Variants in RIPOR1 observed in about 807,000 individuals in gnomAD.
RIPOR1 encodes RHO family interacting cell polarization regulator 1.
In RIPOR1, 58 loss-of-function variants were observed where a neutral mutation model predicts 116.5. The observed-to-expected ratio is 0.50, with a 90% CI of 0.40 to 0.62. The LOEUF is 0.62. RIPOR1 is among the 20% of genes least tolerant of loss of function. The pLI, the probability that RIPOR1 is intolerant of heterozygous loss-of-function variation, is 0.00. For missense variants in RIPOR1, 1,372 were observed against 1,586.2 expected (o/e 0.86, Z 2.29); for synonymous variants, 605 against 650.0 (o/e 0.93, Z 1.05).
chr16:67,543,173 C>A lies in RIPOR1; in HGVS notation c.2387C>A (p.Ala796Asp). The change falls in exon 13 of 22, where the codon GCC becomes GAC. Residue 796 changes from alanine (A) to aspartate (D), a missense_variant. This residue lies in a region of RIPOR1 where 1,005 missense variants were observed against 1,144.7 expected (regional missense o/e 0.88). Coordinates refer to ENST00000042381, the MANE Select transcript of RIPOR1 (RefSeq NM_024519.4). The surrounding 1 kb of genome is among the most constrained non-coding windows in gnomAD (Gnocchi z 4.7). ...GDRSLEEALG[A>D]LMAALDDYRG... Reference sequence around the variant, plus strand: ...AGGAGCCTGGAGGAGGCACTGGGGGCCCTAATGGCTGCCCTGGATGACTAC... The same window carrying A: ...AGGAGCCTGGAGGAGGCACTGGGGGACCTAATGGCTGCCCTGGATGACTAC... 6.5e-7 allele frequency: 1 copy of A among 1,541,348 alleles called. No homozygotes were observed. Among genetic ancestry groups the A allele is most frequent in the Non-Finnish European group, 8.7e-7 (1 of 1,144,104 alleles).
At chr16:67,519,177 G>C (rs1180685804) in intron 1 of RIPOR1, among the ~76,000 whole-genome samples, 1 of 152,030 alleles carries the variant, frequency 6.6e-6, no homozygotes, top group Non-Finnish European at 1.5e-5. Context: ...CTACTTGGGA[G>C]TCTGAGGCAT....
At chr16:67,539,785 G>C in intron 5 of RIPOR1, 34 bp downstream of exon 5, 1 of 1,614,192 alleles carries the variant, frequency 6.2e-7, no homozygotes, top group Non-Finnish European at 8.5e-7. Context: ...GGAAGGGGTT[G>C]GCTCACAGGG....
Position 67,545,998 on chromosome 16 carries a change from G to A in RIPOR1, c.3437G>A (p.Arg1146Gln), listed in dbSNP as rs779493948. 1.6e-5 allele frequency: 26 copies of A among 1,613,544 alleles called. No homozygotes were observed. In the South Asian group the frequency reaches 2.6e-4, roughly 16 times the overall value. The change falls in exon 20 of 22, where the codon CGA becomes CAA. Residue 1146 changes from arginine to glutamine, a missense_variant. Around this residue, in one of 3 missense-constraint regions of RIPOR1, gnomAD observed 1,005 missense variants for 1,144.7 expected, o/e 0.88. Transcript: ENST00000042381. This position sits in a 1 kb window ranked among gnomAD's most constrained non-coding sequence, Gnocchi z 4.8. Reference protein sequence around the residue: ...DQLEDEDVQTRVAGCLALGCI... With the variant: ...DQLEDEDVQTQVAGCLALGCI... ...CTGGAGGATGAGGACGTGCAGACTC[G>A]AGTGGCTGGCTGCCTGGCCCTAGGC...
Position 67,546,377 on chromosome 16 carries a change from C to T in RIPOR1, c.3574C>T (p.Gln1192Ter). The change falls in exon 22 of 22, where the codon CAG (glutamine) becomes TAG (stop). Residue 1192 changes from glutamine to a stop codon, truncating the protein, a stop_gained. Coordinates refer to ENST00000042381, the MANE Select transcript of RIPOR1 (RefSeq NM_024519.4). LOFTEE classifies it high-confidence loss of function. ...CTCACTCATTACAGGAGAAGAGGGACAGTCTGCCCATCGACGGCTGGAGGA... is the reference window on the plus strand; with the variant it reads ...CTCACTCATTACAGGAGAAGAGGGATAGTCTGCCCATCGACGGCTGGAGGA... ...QSLQQCGEEG[Q>*]SAHRRLEESL... 1 of 1,613,984 alleles carries T rather than the reference C, an allele frequency of 6.2e-7. No individual in the cohort carries two copies. The highest frequency in any genetic ancestry group is 2.2e-5 in the East Asian group (1 of 44,884).
Position 67,529,497 on chromosome 16 carries a change from C to T in RIPOR1, c.-24+583C>T. 2.6e-6 allele frequency: 1 copy of T among 385,728 alleles called. No homozygotes were observed. Among genetic ancestry groups the T allele is most frequent in the Non-Finnish European group, 4.7e-6 (1 of 213,548 alleles). 23.9% of individuals were successfully genotyped at this position (385,728 alleles called of 1,614,324 possible). On this transcript the variant is annotated intron_variant, in intron 1 of 21. Transcript: ENST00000042381. This position sits in a 1 kb window ranked among gnomAD's most constrained non-coding sequence, Gnocchi z 4.1. ...TCCTTGTCGGGGAACGGAGCTTTTC[C>T]CTGGAAATGGAGGTTGGCGCAAGGT...
rs2051061226 is a variant in RIPOR1, at chr16:67,543,435, GA to G, written c.2567del (p.Asp856AlafsTer25). On this transcript the variant is annotated frameshift_variant, in exon 14 of 22. Coordinates refer to ENST00000042381, the MANE Select transcript of RIPOR1 (RefSeq NM_024519.4). LOFTEE classifies it high-confidence loss of function. The surrounding 1 kb of genome is among the most constrained non-coding windows in gnomAD (Gnocchi z 4.7). ...GGAGAGCTTCAGCTTCCTCAATGAA[GA>G]CGAAGATGAAGACAATGATGTTCCT... ...ALESFSFLNE[D>X]EDEDNDVPGD... The G allele has an allele frequency of 6.4e-7, 1 of 1,560,360 alleles. No homozygotes were observed. The highest frequency in any genetic ancestry group is 1.4e-5 in the African/African-American group (1 of 73,652).
intron 20 of RIPOR1, 26 bp from the exon 21 acceptor site, chr16:67,546,115 C>T: frequency 6.2e-7 from 1 of 1,611,956 alleles, no homozygotes; most frequent in Non-Finnish European, 8.5e-7. Flanking sequence ...CCCCTGAGCC[C>T]ACCTCAATGC....
intron 4 of RIPOR1, chr16:67,539,414 C>T (rs559244565): frequency 1.9e-5 from 10 of 528,930 alleles, no homozygotes; most frequent in Admixed American, 6.5e-5. Flanking sequence ...ACACTTCTGC[C>T]GGGGCTTGAT....
At chr16:67,522,169 A>G (rs1555524657) in intron 1 of RIPOR1, among the ~76,000 whole-genome samples, 1 of 140,678 alleles carries the variant, frequency 7.1e-6, no homozygotes, top group Non-Finnish European at 1.5e-5. Context: ...CTGAGACTAC[A>G]GGCGTGTGCC....
At position 67,538,840 on chromosome 16, in the gene RIPOR1, G is replaced by A. The variant is rs56968620; in HGVS notation, c.257+16G>A. ...GGGGCCTGACGTGAGCAGCTCCTCT[G>A]TTCCCAGCCCTGTCCCGGGATCCCT... On this transcript the variant is annotated intron_variant, in intron 3 of 21. Coordinates refer to ENST00000042381, the MANE Select transcript of RIPOR1 (RefSeq NM_024519.4). 1.2e-6 allele frequency: 2 copies of A among 1,612,384 alleles called. No homozygotes were observed. The highest frequency in any genetic ancestry group is 1.7e-6 in the Non-Finnish European group (2 of 1,179,640).
Position 67,540,474 on chromosome 16 carries a change from C to T in RIPOR1, c.648C>T (p.Ala216=), listed in dbSNP as rs200634890. Residue 216 remains alanine, a synonymous_variant, in exon 9 of 22, where the codon GCC becomes GCT. Coordinates refer to ENST00000042381, the MANE Select transcript of RIPOR1 (RefSeq NM_024519.4). The surrounding 1 kb of genome is among the most constrained non-coding windows in gnomAD (Gnocchi z 4.7). ...HLRMKGLAGF[A]RLCVGDQYEI... ...CCAACTCAGGGCTGGCTGGCTTCGC[C>T]AGGCTGTGTGTAGGCGATCAGTATG... is the stretch of plus-strand genomic sequence containing the variant. 3 of 1,614,164 alleles carry T rather than the reference C, an allele frequency of 1.9e-6. No individual in the cohort carries two copies. Among genetic ancestry groups the T allele is most frequent in the East Asian group, 4.5e-5 (2 of 44,884 alleles).
chr16:67,539,415 G>A (rs961528355), intron 4 of RIPOR1: 1 of 528,776 alleles, frequency 1.9e-6, no homozygotes, highest in South Asian at 2.1e-5. Flanking sequence ...CACTTCTGCC[G>A]GGGCTTGATG....
intron 1 of RIPOR1, among the ~76,000 whole-genome samples, chr16:67,520,622 G>A (rs2142387397): frequency 6.6e-6 from 1 of 151,902 alleles, no homozygotes; most frequent in African/African-American, 2.4e-5. Flanking sequence ...CCAACATGGT[G>A]AAACCCCGTC....
Position 67,538,844 on chromosome 16 carries a change from C to T in RIPOR1, c.257+20C>T, listed in dbSNP as rs199987436. 2,398 of 1,611,568 alleles carry T rather than the reference C, an allele frequency of 1.5e-3. 14 individuals carry two copies. Among genetic ancestry groups the T allele is most frequent in the Middle Eastern group, 1.5e-3 (9 of 6,056 alleles). On this transcript the variant is annotated intron_variant, in intron 3 of 21. Transcript: ENST00000042381. ...CCTGACGTGAGCAGCTCCTCTGTTC[C>T]CAGCCCTGTCCCGGGATCCCTCCCC...
chr16:67,545,995 C>G lies in RIPOR1; in HGVS notation c.3434C>G (p.Thr1145Ser). The G allele has an allele frequency of 6.2e-7, 1 of 1,613,604 alleles. No individual in the cohort carries two copies. Among genetic ancestry groups the G allele is most frequent in the Non-Finnish European group, 8.5e-7 (1 of 1,179,914 alleles). The change falls in exon 20 of 22, where the codon ACT becomes AGT. Residue 1145 changes from threonine to serine, a missense_variant. This residue lies in a region of RIPOR1 where 1,005 missense variants were observed against 1,144.7 expected (regional missense o/e 0.88). Coordinates refer to ENST00000042381, the MANE Select transcript of RIPOR1 (RefSeq NM_024519.4). The surrounding 1 kb of genome is among the most constrained non-coding windows in gnomAD (Gnocchi z 4.8). The part of the protein sequence containing the change: ...LDQLEDEDVQ[T>S]RVAGCLALGC... Reference sequence around the variant, plus strand: ...CAGCTGGAGGATGAGGACGTGCAGACTCGAGTGGCTGGCTGCCTGGCCCTA... The same window carrying G: ...CAGCTGGAGGATGAGGACGTGCAGAGTCGAGTGGCTGGCTGCCTGGCCCTA...
chr16:67,532,278 C>T (rs2050681621), intron 1 of RIPOR1, among the ~76,000 whole-genome samples: 1 of 152,042 alleles, frequency 6.6e-6, no homozygotes. Context: ...GTGGTGCATG[C>T]CTGTGGTTCC....
At chr16:67,524,504 T>C (rs1240511158), upstream of RIPOR1, among the ~76,000 whole-genome samples, 1 of 152,038 alleles carries the variant, frequency 6.6e-6, no homozygotes, top group Non-Finnish European at 1.5e-5. Flanking sequence ...CAGACCCCTC[T>C]CTCTTCTCCC....
At chr16:67,539,228 A>G in intron 4 of RIPOR1, 160 bp downstream of exon 4, 1 of 639,480 alleles carries the variant, frequency 1.6e-6, no homozygotes, top group South Asian at 2.0e-5. Flanking sequence ...TCTATCCCCA[A>G]ACTTTGCTGT....
chr16:67,545,274 T>C lies in RIPOR1; in HGVS notation c.3032-102T>C. ...CAGAAGGACCCAGATGGGTGGGGTT[T>C]GAACAGGGGGCCCCTGGACCTGAGC... On this transcript the variant is annotated intron_variant, in intron 17 of 21. Coordinates refer to ENST00000042381, the MANE Select transcript of RIPOR1 (RefSeq NM_024519.4). This position sits in a 1 kb window ranked among gnomAD's most constrained non-coding sequence, Gnocchi z 4.8. 6.5e-7 allele frequency: 1 copy of C among 1,533,492 alleles called. No homozygotes were observed. Among genetic ancestry groups the C allele is most frequent in the South Asian group, 1.2e-5 (1 of 82,332 alleles). The allele number at this position is 1,533,492 out of a possible 1,614,324, so 95.0% of individuals were successfully genotyped here.
Sources: allele counts gnomAD v4.1 joint callset (sites outside exome capture counted in the v4.1 genomes callset), GRCh38; gene constraint gnomAD v4.1.1; regional missense constraint gnomAD v4.1.1; non-coding constraint Gnocchi (gnomAD v3.1); transcripts MANE v1.5; gene names NCBI Gene and HGNC (gene_info 2026-07-23, HGNC 2026-07-21).